The following MYO3B variants were observed in gnomAD, a reference collection of about 807,000 sequenced individuals.
MYO3B encodes myosin-IIIb.
In MYO3B, 156 loss-of-function variants were observed where a neutral mutation model predicts 174.6. The ratio of observed to expected loss-of-function variants is 0.89; its 90% CI spans 0.78 to 1.02. The LOEUF is 1.02. MYO3B is among the 50% of genes least tolerant of loss of function. MYO3B has a pLI of 0.00. For missense variants in MYO3B, 1,632 were observed against 1,639.4 expected, an observed-to-expected ratio of 1.00 and a Z score of 0.08; for synonymous variants, 563 against 569.1, an observed-to-expected ratio of 0.99 and a Z score of 0.15.
rs1559307693 is a variant in MYO3B, at chr2:170,217,305, C to CTCT, written c.527-12_527-10dup. ...CTTTGCTCACTTTTGAATTCTGATACTCTTTCCTTATAGGTGTTTCAGCTC... is the reference window on the plus strand; with the variant it reads ...CTTTGCTCACTTTTGAATTCTGATACTCTTCTTTCCTTATAGGTGTTTCAGCTC... On this transcript the variant is annotated splice_polypyrimidine_tract_variant and intron_variant, in intron 5 of 34. Coordinates refer to ENST00000408978, the MANE Select transcript of MYO3B (RefSeq NM_138995.5). The CTCT allele has an allele frequency of 6.2e-7, 1 of 1,612,422 alleles. No individual in the cohort carries two copies. Among genetic ancestry groups the CTCT allele is most frequent in the Non-Finnish European group, 8.5e-7 (1 of 1,178,424 alleles).
At chr2:170,470,315 TG>T (rs1226688239) in intron 25 of MYO3B, among the ~76,000 whole-genome samples, 7 of 152,142 alleles carry the variant, frequency 4.6e-5, no homozygotes, top group Non-Finnish European at 1.0e-4. Context: ...TGTATGGATT[TG>T]CCTATTTTTG....
intron 25 of MYO3B, among the ~76,000 whole-genome samples, chr2:170,473,255 A>G (rs1685097157): frequency 7.2e-6 from 1 of 139,720 alleles, no homozygotes; most frequent in Admixed American, 8.1e-5. Flanking sequence ...CCATTCTCCT[A>G]TCTCAGCCTC....
intron 8 of MYO3B, among the ~76,000 whole-genome samples, chr2:170,352,142 G>A (rs571883907): frequency 6.8e-4 from 104 of 152,140 alleles, no homozygotes; most frequent in African/African-American, 2.3e-3. Context: ...TAGTAGAGAC[G>A]GGGTTTCACC....
intron 28 of MYO3B, among the ~76,000 whole-genome samples, chr2:170,506,171 C>T (rs951533401): frequency 6.6e-6 from 1 of 152,324 alleles, no homozygotes; most frequent in Non-Finnish European, 1.5e-5. Context: ...CTGGGCACAT[C>T]ATGTGATGCA....
At chr2:170,435,591 G>A (rs1345522080) in intron 22 of MYO3B, among the ~76,000 whole-genome samples, 2 of 152,208 alleles carry the variant, frequency 1.3e-5, no homozygotes, top group African/African-American at 2.4e-5. Flanking sequence ...CAGTTCTCAG[G>A]TCTACTGCGA....
intron 1 of MYO3B, among the ~76,000 whole-genome samples, chr2:170,197,367 C>T (rs943002212): frequency 6.6e-6 from 1 of 152,158 alleles, no homozygotes; most frequent in African/African-American, 2.4e-5. Context: ...CAGGCAGTTA[C>T]AGGGAATGTT....
At chr2:170,599,477 G>T (rs1354706373) in intron 32 of MYO3B, among the ~76,000 whole-genome samples, 1 of 152,064 alleles carries the variant, frequency 6.6e-6, no homozygotes, top group Admixed American at 6.6e-5. Flanking sequence ...CCGTTAAAAG[G>T]GTTTTTTTGC....
intron 32 of MYO3B, among the ~76,000 whole-genome samples, chr2:170,566,467 TG>T (rs1419368396): frequency 6.6e-6 from 1 of 152,230 alleles, no homozygotes. Context: ...TTTTTGAATA[TG>T]CATTACAGCT....
intron 15 of MYO3B, 72 bp downstream of exon 15, chr2:170,391,690 A>T: frequency 1.1e-6 from 1 of 899,764 alleles, no homozygotes; most frequent in Non-Finnish European, 1.7e-6. Flanking sequence ...TTGGAAGTAA[A>T]TGGAGCTGTT....
chr2:170,200,641 C>A (rs1050009607), intron 3 of MYO3B, among the ~76,000 whole-genome samples: 2 of 152,088 alleles, frequency 1.3e-5, no homozygotes, highest in Non-Finnish European at 2.9e-5. Context: ...ACTTGGCTTG[C>A]CAAGTTTGGA....
intron 7 of MYO3B, among the ~76,000 whole-genome samples, chr2:170,240,197 A>G (rs190878853): frequency 1.4e-4 from 22 of 152,336 alleles, no homozygotes; most frequent in African/African-American, 4.6e-4. Flanking sequence ...CTGAGTAGAC[A>G]TATCTTTTGG....
intron 7 of MYO3B, among the ~76,000 whole-genome samples, chr2:170,313,680 T>C (rs922709408): frequency 2.0e-5 from 3 of 152,214 alleles, no homozygotes; most frequent in Admixed American, 6.5e-5. Flanking sequence ...CATTTAGTAT[T>C]GTTTCCCCCT....
chr2:170,429,580 G>A (rs1432551141), intron 22 of MYO3B, among the ~76,000 whole-genome samples: 1 of 152,134 alleles, frequency 6.6e-6, no homozygotes, highest in Non-Finnish European at 1.5e-5. Flanking sequence ...ATGTTTTAAT[G>A]CTATTATTAA....
chr2:170,498,737 A>C (rs773940424), intron 26 of MYO3B, 34 bp downstream of exon 26: 4 of 1,397,858 alleles, frequency 2.9e-6, no homozygotes, highest in Non-Finnish European at 4.1e-6. Flanking sequence ...ATTGTCCCGT[A>C]TGATTTCTTT....
At chr2:170,281,407 C>T (rs1442213705) in intron 7 of MYO3B, among the ~76,000 whole-genome samples, 1 of 152,118 alleles carries the variant, frequency 6.6e-6, no homozygotes, top group East Asian at 1.9e-4. Flanking sequence ...ACCAAAATCA[C>T]ACCAAACACA....
chr2:170,385,126 G>A (rs1177842263), intron 12 of MYO3B, among the ~76,000 whole-genome samples: 1 of 152,072 alleles, frequency 6.6e-6, no homozygotes, highest in Non-Finnish European at 1.5e-5. Flanking sequence ...GGGGAGGAAG[G>A]GGGCATGGCA....
chr2:170,398,762 T>G (rs1332956703), intron 16 of MYO3B, among the ~76,000 whole-genome samples: 2 of 152,184 alleles, frequency 1.3e-5, no homozygotes, highest in African/African-American at 4.8e-5. Flanking sequence ...ATGTGAGGGA[T>G]TAGTTCCGGG....
intron 7 of MYO3B, among the ~76,000 whole-genome samples, chr2:170,295,576 T>C (rs952671786): frequency 6.6e-6 from 1 of 152,092 alleles, no homozygotes; most frequent in Non-Finnish European, 1.5e-5. Context: ...TATATCTTAT[T>C]TTTAACATCC....
chr2:170,526,036 G>A (rs185371795), intron 30 of MYO3B, among the ~76,000 whole-genome samples: 166 of 152,330 alleles, frequency 1.1e-3, no homozygotes, highest in Non-Finnish European at 1.8e-3. Context: ...AGGAATAGTA[G>A]CCTTCTCTGA....
Sources: gnomAD v4.1 joint callset for allele counts (sites outside exome capture counted in the v4.1 genomes callset) on GRCh38, gnomAD v4.1.1 for gene constraint, MANE v1.5 for transcripts, NCBI Gene and HGNC (gene_info 2026-07-23, HGNC 2026-07-21) for gene names.